The following CLEC9A variants were observed in gnomAD, a reference collection of about 807,000 sequenced individuals.
The protein encoded by CLEC9A is C-type lectin domain family 9 member A.
Under a neutral mutation model 30.0 loss-of-function variants are expected in CLEC9A, and 24 were observed. The observed-to-expected ratio is 0.80, with a 90% CI of 0.58 to 1.13. CLEC9A has a LOEUF of 1.13. Among genes scored for constraint, CLEC9A ranks in the 50% most tolerant of loss-of-function variants. The pLI, the probability that CLEC9A is intolerant of heterozygous loss-of-function variation, is 0.00. For synonymous variants in CLEC9A, 111 were observed against 96.8 expected, an observed-to-expected ratio of 1.15 and a Z score of -0.86; for missense variants, 251 against 280.9, an observed-to-expected ratio of 0.89 and a Z score of 0.76.
intron 1 of CLEC9A, among the ~76,000 whole-genome samples, chr12:10,032,911 A>T (rs1460355141): frequency 6.6e-6 from 1 of 152,042 alleles, no homozygotes; most frequent in Non-Finnish European, 1.5e-5. Context: ...TCTTGACAAC[A>T]AAAATGTTCA....
intron 5 of CLEC9A, 37 bp downstream of exon 5, chr12:10,054,388 G>A (rs377200882): frequency 1.8e-5 from 24 of 1,336,150 alleles, no homozygotes; most frequent in South Asian, 3.7e-5. Flanking sequence ...TATGTATATC[G>A]TTATATATAA....
intron 2 of CLEC9A, among the ~76,000 whole-genome samples, chr12:10,042,217 G>C (rs1021595376): frequency 2.0e-5 from 3 of 152,172 alleles, no homozygotes; most frequent in Admixed American, 2.0e-4. Context: ...GGTTCTGTAG[G>C]GAAGTATATA....
intron 1 of CLEC9A, among the ~76,000 whole-genome samples, chr12:10,040,052 G>T (rs947683208): frequency 5.9e-5 from 9 of 152,164 alleles, no homozygotes; most frequent in Non-Finnish European, 8.8e-5. Flanking sequence ...CGAACTCCTG[G>T]CCTCAAGTGA....
intron 1 of CLEC9A, among the ~76,000 whole-genome samples, chr12:10,034,632 G>A (rs954495737): frequency 6.6e-6 from 1 of 152,188 alleles, no homozygotes; most frequent in Admixed American, 6.5e-5. Flanking sequence ...GACTTCCACA[G>A]TGATCAATAA....
At chr12:10,036,750 T>C (rs1002078824) in intron 1 of CLEC9A, among the ~76,000 whole-genome samples, 2 of 152,228 alleles carry the variant, frequency 1.3e-5, no homozygotes, top group African/African-American at 2.4e-5. Flanking sequence ...CATCAAAGTG[T>C]AGTAGAAAGA....
rs1282601789 is a variant in CLEC9A at position 10,041,453 on chromosome 12, T to C, written c.-317-13T>C. 2 of 397,978 alleles carry C rather than the reference T, an allele frequency of 5.0e-6. No homozygotes were observed. Among genetic ancestry groups the C allele is most frequent in the Non-Finnish European group, 4.9e-6 (1 of 202,862 alleles). 24.7% of individuals were successfully genotyped at this position (397,978 alleles called of 1,614,324 possible). ...AAAAACAACAACAACATTCCTGTGC[T>C]TGGTTTCTCCAGGTGACTATAAACG... On this transcript the variant is annotated splice_polypyrimidine_tract_variant and intron_variant, in intron 1 of 8. Transcript: ENST00000355819.
intron 5 of CLEC9A, among the ~76,000 whole-genome samples, chr12:10,056,351 T>C (rs1437997091): frequency 6.6e-6 from 1 of 152,072 alleles, no homozygotes; most frequent in Non-Finnish European, 1.5e-5. Context: ...TAATGGTACA[T>C]CATCTATACA....
intron 1 of CLEC9A, among the ~76,000 whole-genome samples, chr12:10,039,109 A>G (rs1865769297): frequency 6.6e-6 from 1 of 152,168 alleles, no homozygotes; most frequent in Admixed American, 6.5e-5. Context: ...TGTCTTTATT[A>G]TATGCCTACA....
intron 4 of CLEC9A, 81 bp downstream of exon 4, chr12:10,052,859 G>A: frequency 6.8e-7 from 1 of 1,464,612 alleles, no homozygotes; most frequent in Non-Finnish European, 9.2e-7. Context: ...AGGCCAAGAT[G>A]TTTATTCTAA....
intron 5 of CLEC9A, among the ~76,000 whole-genome samples, chr12:10,060,312 T>C (rs1003356046): frequency 2.0e-5 from 3 of 152,228 alleles, no homozygotes; most frequent in Non-Finnish European, 4.4e-5. Flanking sequence ...TGGATGTCCT[T>C]CAGTGGATGA....
intron 1 of CLEC9A, among the ~76,000 whole-genome samples, chr12:10,032,503 G>A (rs1591881023): frequency 1.4e-5 from 2 of 146,864 alleles, no homozygotes; most frequent in South Asian, 4.3e-4. Flanking sequence ...CCATTCTTCC[G>A]CCTCAGCCTC....
At chr12:10,043,229 C>A in intron 2 of CLEC9A, 1 of 380,296 alleles carries the variant, frequency 2.6e-6, no homozygotes, top group Non-Finnish European at 5.2e-6. Flanking sequence ...ACATCAAAGC[C>A]AGGACTGGTT....
chr12:10,051,123 C>T (rs1480037739), intron 2 of CLEC9A, among the ~76,000 whole-genome samples: 3 of 151,050 alleles, frequency 2.0e-5, no homozygotes, highest in Non-Finnish European at 4.4e-5. Flanking sequence ...GAGAATTGCT[C>T]GAACCCAGGA....
chr12:10,031,637 G>A (rs1865697308), intron 1 of CLEC9A, among the ~76,000 whole-genome samples: 1 of 152,136 alleles, frequency 6.6e-6, no homozygotes, highest in Admixed American at 6.5e-5. Flanking sequence ...AACGGGAGTA[G>A]CAAGACCAGG....
chr12:10,064,924 G>C, intron 8 of CLEC9A, 71 bp downstream of exon 8: 3 of 1,520,736 alleles, frequency 2.0e-6, no homozygotes, highest in Non-Finnish European at 1.8e-6. Flanking sequence ...ATTTCACCTT[G>C]TACCATGAAT....
intron 1 of CLEC9A, among the ~76,000 whole-genome samples, chr12:10,039,657 T>C (rs1865774133): frequency 6.6e-6 from 1 of 152,194 alleles, no homozygotes; most frequent in South Asian, 2.1e-4. Flanking sequence ...ATATTGTGCT[T>C]TTTTCCTCCA....
chr12:10,056,156 A>G (rs2137310603), intron 5 of CLEC9A, among the ~76,000 whole-genome samples: 1 of 151,558 alleles, frequency 6.6e-6, no homozygotes, highest in Middle Eastern at 3.5e-3. Flanking sequence ...TTCTCCATCT[A>G]GTAAACGAAA....
chr12:10,054,900 A>G (rs1055320915), intron 5 of CLEC9A, among the ~76,000 whole-genome samples: 5 of 152,206 alleles, frequency 3.3e-5, no homozygotes, highest in African/African-American at 1.2e-4. Flanking sequence ...AGAACAATGA[A>G]CCTCTAACAT....
Position 10,064,748 on chromosome 12 carries a change from G to C in CLEC9A, c.488G>C (p.Ser163Thr). Residue 163 changes from serine (S) to threonine (T), a missense_variant, in exon 8 of 9, where the codon AGC becomes ACC. Transcript: ENST00000355819. ...GTCTCATAGGATTTTATCACTGGCA[G>C]CTTGAGGAAGATTAAAGGAAGCTAT... ...SKEEMDFITG[S>T]LRKIKGSYDY... 1 of 1,611,538 alleles carries C rather than the reference G, an allele frequency of 6.2e-7. No homozygotes were observed. The highest frequency in any genetic ancestry group is 8.5e-7 in the Non-Finnish European group (1 of 1,178,802).
Sources: gnomAD v4.1 joint callset for allele counts (sites outside exome capture counted in the v4.1 genomes callset) on GRCh38, gnomAD v4.1.1 for gene constraint, MANE v1.5 for transcripts, NCBI Gene and HGNC (gene_info 2026-07-23, HGNC 2026-07-21) for gene names.